ADAMTS2: variants seen among roughly 807,000 people sequenced by gnomAD.
ADAMTS2 encodes ADAM metallopeptidase with thrombospondin type 1 motif 2.
A neutral mutation model predicts 123.0 loss-of-function variants in ADAMTS2; 50 were observed. The ratio of observed to expected loss-of-function variants is 0.41; its 90% CI spans 0.32 to 0.51. The LOEUF is 0.51. Ranked by LOEUF, ADAMTS2 falls within the 20% of genes least tolerant of loss-of-function variation. The pLI is 0.35. For synonymous variants in ADAMTS2, 678 were observed against 695.4 expected, an observed-to-expected ratio of 0.98 and a Z score of 0.39; for missense variants, 1,494 against 1,705.2, an observed-to-expected ratio of 0.88 and a Z score of 2.18.
chr5:179,343,735 G>A, intron 2 of ADAMTS2, 32 bp downstream of exon 2: 1 of 1,602,220 alleles, frequency 6.2e-7, no homozygotes, highest in African/African-American at 1.3e-5. Flanking sequence ...GAGAGCAGCG[G>A]AGAGAAAGGA....
chr5:179,300,183 AC>A (rs1756477937), intron 2 of ADAMTS2, among the ~76,000 whole-genome samples: 1 of 151,878 alleles, frequency 6.6e-6, no homozygotes, highest in African/African-American at 2.4e-5. Context: ...CTAATTAGCA[AC>A]CTGACTTCCA....
chr5:179,199,651 A>G (rs1364741926), intron 4 of ADAMTS2, among the ~76,000 whole-genome samples: 1 of 151,702 alleles, frequency 6.6e-6, no homozygotes, highest in Admixed American at 6.6e-5. Context: ...CTCTGCTAGG[A>G]CCCCGTACCT....
At chr5:179,209,579 CAT>C (rs555356026) in intron 3 of ADAMTS2, among the ~76,000 whole-genome samples, 3 of 152,004 alleles carry the variant, frequency 2.0e-5, no homozygotes, top group Admixed American at 6.6e-5. Flanking sequence ...CATGCACACA[CAT>C]GTACACACAC....
At position 179,343,859 on chromosome 5, in the gene ADAMTS2, CGCGGGT is replaced by C; in HGVS notation, c.436_441del (p.Thr146_Arg147del). On this transcript the variant is annotated inframe_deletion, in exon 2 of 22. Coordinates refer to ENST00000251582, the MANE Select transcript of ADAMTS2 (RefSeq NM_014244.5). ...AGACAGCTCCCGAGCAGGGGCTCCA[CGCGGGT>C]GGTGCCCTTCTCGCCCTGCCACTCC... 1.9e-6 allele frequency: 3 copies of C among 1,597,764 alleles called. No homozygotes were observed. The highest frequency in any genetic ancestry group is 2.6e-6 in the Non-Finnish European group (3 of 1,173,964).
chr5:179,326,140 G>T (rs75765350), intron 2 of ADAMTS2, among the ~76,000 whole-genome samples: 4 of 152,196 alleles, frequency 2.6e-5, no homozygotes, highest in African/African-American at 9.6e-5. Flanking sequence ...AATCTTTTCC[G>T]CATCTTGACT....
chr5:179,195,869 C>T (rs920724909), intron 4 of ADAMTS2, among the ~76,000 whole-genome samples: 37 of 152,242 alleles, frequency 2.4e-4, no homozygotes, highest in African/African-American at 8.4e-4. Context: ...CCCTGAACCC[C>T]GCTTGCCTCC....
intron 2 of ADAMTS2, among the ~76,000 whole-genome samples, chr5:179,330,736 G>A (rs578123700): frequency 1.3e-5 from 2 of 152,264 alleles, no homozygotes; most frequent in East Asian, 1.9e-4. Context: ...CCTGCTCATC[G>A]GGCCACCCTC....
Position 179,154,195 on chromosome 5 carries a change from G to A in ADAMTS2, c.1239-3C>T. The A allele has an allele frequency of 6.4e-7, 1 of 1,550,786 alleles. No individual in the cohort carries two copies. ...GCCCGTCGTGCTCCATGCCCAGCCT[G>A]CGAGGGCCGAGGCAGCTGGCTGAAT... On this transcript the variant is annotated splice_region_variant and splice_polypyrimidine_tract_variant and intron_variant, in intron 7 of 21. Transcript: ENST00000251582.
At chr5:179,278,164 A>AC (rs1203611000) in intron 2 of ADAMTS2, among the ~76,000 whole-genome samples, 3 of 23,846 alleles carry the variant, frequency 1.3e-4, no homozygotes, top group Admixed American at 4.6e-4. Flanking sequence ...CCAAAGGCTG[A>AC]CCCCCCCGAG....
At chr5:179,173,156 G>C (rs1425402068) in intron 5 of ADAMTS2, among the ~76,000 whole-genome samples, 1 of 151,450 alleles carries the variant, frequency 6.6e-6, no homozygotes, top group African/African-American at 2.4e-5. Context: ...AGGCTGCAGT[G>C]AGTTATGATC....
rs993868060 is a variant in ADAMTS2 at position 179,117,533 on chromosome 5, G to C, written c.3179-3209C>G. Among the ~76,000 whole-genome samples the C allele has an allele frequency of 1.3e-5, 2 of 151,580 alleles. No individual in the cohort carries two copies. Among genetic ancestry groups the C allele is most frequent in the South Asian group, 4.2e-4 (2 of 4,808 alleles). On this transcript the variant is annotated intron_variant, in intron 21 of 21. Transcript: ENST00000251582. This position sits in a 1 kb window ranked among gnomAD's most constrained non-coding sequence, Gnocchi z 4.2. ...TGGTTTTGTAAATAAAGTTTTATTG[G>C]ATCAGGCCCATGCCCATGCATTTTT...
chr5:179,258,175 G>C (rs948105692), intron 3 of ADAMTS2, among the ~76,000 whole-genome samples: 2 of 152,168 alleles, frequency 1.3e-5, no homozygotes, highest in Non-Finnish European at 2.9e-5. Flanking sequence ...GCACACGCTG[G>C]GGCTGGGACT....
rs1428888331 is a variant in ADAMTS2 at position 179,158,830 on chromosome 5, A to G, written c.1025T>C (p.Val342Ala). The G allele has an allele frequency of 6.2e-7, 1 of 1,614,208 alleles. No homozygotes were observed. Among genetic ancestry groups the G allele is most frequent in the Non-Finnish European group, 8.5e-7 (1 of 1,180,042 alleles). ...IGNPSQSLEN[V>A]CRWAYLQQKP... is the part of the protein sequence containing the mutation. ...CTGCTGGAGGTAGGCCCAGCGGCAGACATTCTCCAGGCTCTGAGAGGGGTT... is the reference window on the plus strand; with the variant it reads ...CTGCTGGAGGTAGGCCCAGCGGCAGGCATTCTCCAGGCTCTGAGAGGGGTT... The change falls in exon 6 of 22, where the codon GTC becomes GCC. Residue 342 changes from valine (V) to alanine (A), a missense_variant. By Grantham distance (64) the Val-to-Ala change is moderately conservative (BLOSUM62 0). Coordinates refer to ENST00000251582, the MANE Select transcript of ADAMTS2 (RefSeq NM_014244.5). The surrounding 1 kb of genome is among the most constrained non-coding windows in gnomAD (Gnocchi z 5.0).
chr5:179,230,530 G>A (rs565711436), intron 3 of ADAMTS2, among the ~76,000 whole-genome samples: 5 of 152,248 alleles, frequency 3.3e-5, no homozygotes, highest in South Asian at 2.1e-4. Flanking sequence ...ACACAGAGAC[G>A]GTGAGACTTG....
intron 2 of ADAMTS2, among the ~76,000 whole-genome samples, chr5:179,309,594 A>G (rs11750794): frequency 0.041 from 6,278 of 152,118 alleles, 178 homozygotes; most frequent in South Asian, 0.068. Flanking sequence ...TGTCTGTACT[A>G]AAAATACAAA....
At chr5:179,182,860 T>C (rs1764079401) in intron 4 of ADAMTS2, among the ~76,000 whole-genome samples, 1 of 152,068 alleles carries the variant, frequency 6.6e-6, no homozygotes, top group Non-Finnish European at 1.5e-5. Flanking sequence ...AGGGTTATCC[T>C]CTAGACCCCC....
At chr5:179,125,815 G>A (rs1014638049) in intron 18 of ADAMTS2, among the ~76,000 whole-genome samples, 183 bp downstream of exon 18, 11 of 152,272 alleles carry the variant, frequency 7.2e-5, no homozygotes, top group Non-Finnish European at 1.2e-4. Flanking sequence ...TCAGTTTGGC[G>A]GGTTTGAAGC....
chr5:179,341,042 C>G (rs78032198), intron 2 of ADAMTS2, among the ~76,000 whole-genome samples: 1,770 of 152,310 alleles, frequency 0.012, 12 homozygotes, highest in Non-Finnish European at 0.019. Flanking sequence ...CGTCTAGTCA[C>G]TCAACCTCCC....
At position 179,188,191 on chromosome 5, in the gene ADAMTS2, A is replaced by G. The variant is rs889614545; in HGVS notation, c.892-7036T>C. On this transcript the variant is annotated intron_variant, in intron 4 of 21. Transcript: ENST00000251582. The surrounding 1 kb of genome is among the most constrained non-coding windows in gnomAD (Gnocchi z 5.1). ...TCGCTCAGCTGAGCTTTGGGCCACC[A>G]GAGGCAGCCTGTGGCCCACCTGGCA... 2.0e-5 allele frequency among the ~76,000 whole-genome samples: 3 copies of G among 152,230 alleles called. No homozygotes were observed. The highest frequency in any genetic ancestry group is 6.5e-5 in the Admixed American group (1 of 15,286).
Sources: allele counts gnomAD v4.1 joint callset (sites outside exome capture counted in the v4.1 genomes callset), GRCh38; gene constraint gnomAD v4.1.1; non-coding constraint Gnocchi (gnomAD v3.1); transcripts MANE v1.5; gene names NCBI Gene and HGNC (gene_info 2026-07-23, HGNC 2026-07-21).